The following SGCD variants were observed in gnomAD, a reference collection of about 807,000 sequenced individuals.
SGCD encodes sarcoglycan delta, also known as delta-sarcoglycan.
SGCD carries 18 observed loss-of-function variants against 36.6 expected under a neutral mutation model. The ratio of observed to expected loss-of-function variants is 0.49; its 90% CI spans 0.34 to 0.73. SGCD has a LOEUF of 0.73. Ranked by LOEUF, SGCD falls within the 30% of genes least tolerant of loss-of-function variation. The probability of loss-of-function intolerance (pLI) is 0.01; values close to 1 mark genes in which losing one functional copy is unlikely to be tolerated. For synonymous variants in SGCD, 133 were observed against 130.6 expected (o/e 1.02, Z -0.12); for missense variants, 387 against 346.7 (o/e 1.12, Z -0.92).
intron 3 of SGCD, among the ~76,000 whole-genome samples, chr5:156,483,562 C>A (rs1755532003): frequency 6.6e-6 from 1 of 152,174 alleles, no homozygotes; most frequent in Admixed American, 6.5e-5. Flanking sequence ...GAGGCCTGGG[C>A]ATTTGGCAAC....
intron 3 of SGCD, among the ~76,000 whole-genome samples, chr5:156,320,094 GAT>G (rs1491461866): frequency 6.0e-4 from 66 of 110,902 alleles, no homozygotes; most frequent in African/African-American, 1.7e-3. Flanking sequence ...GACAGCCTTT[GAT>G]ATGTGTGTGT....
chr5:156,605,900 T>C (rs1404847403), intron 6 of SGCD, among the ~76,000 whole-genome samples: 1 of 151,744 alleles, frequency 6.6e-6, no homozygotes, highest in East Asian at 1.9e-4. Flanking sequence ...GGGGTTGTTT[T>C]TTTCTCGTAA....
chr5:155,778,392 A>G, the SGCD span, among the ~76,000 whole-genome samples: 1 of 152,222 alleles, frequency 6.6e-6, no homozygotes, highest in African/African-American at 2.4e-5. Flanking sequence ...TTCCTTTTCA[A>G]AAGACGAAAT....
chr5:156,167,609 A>G (rs1452616607), intron 3 of SGCD, among the ~76,000 whole-genome samples: 2 of 152,106 alleles, frequency 1.3e-5, no homozygotes, highest in African/African-American at 4.8e-5. Context: ...AGTTCACATG[A>G]TATCTGGTTG....
At chr5:155,942,997 T>C (rs78830942) in intron 1 of SGCD, among the ~76,000 whole-genome samples, 5,319 of 152,272 alleles carry the variant, frequency 0.035, 343 homozygotes, top group African/African-American at 0.12. Flanking sequence ...ACATAACAGA[T>C]TTAAAAAGTG....
At chr5:156,213,746 C>G in intron 3 of SGCD, among the ~76,000 whole-genome samples, 1 of 151,996 alleles carries the variant, frequency 6.6e-6, no homozygotes, top group Non-Finnish European at 1.5e-5. Context: ...CTGAATTCAA[C>G]AGCACATTAA....
intron 6 of SGCD, among the ~76,000 whole-genome samples, chr5:156,630,587 A>G (rs551715391): frequency 5.1e-4 from 78 of 152,332 alleles, no homozygotes; most frequent in Middle Eastern, 3.4e-3. Context: ...GTTGTCCTCA[A>G]GTTGTTAGTT....
chr5:155,955,968 A>G (rs1366192194), intron 1 of SGCD, among the ~76,000 whole-genome samples: 1 of 152,158 alleles, frequency 6.6e-6, no homozygotes, highest in Admixed American at 6.5e-5. Flanking sequence ...GGCGATGAGC[A>G]CAAATGTAAT....
chr5:155,983,873 T>C (rs1245479432), intron 1 of SGCD, among the ~76,000 whole-genome samples: 1 of 152,198 alleles, frequency 6.6e-6, no homozygotes, highest in East Asian at 1.9e-4. Context: ...GGATGCTTTG[T>C]CTAGCCTAAT....
chr5:155,908,761 C>G, intron 1 of SGCD, among the ~76,000 whole-genome samples: 1 of 152,142 alleles, frequency 6.6e-6, no homozygotes, highest in East Asian at 1.9e-4. Flanking sequence ...GGTTCTCTTT[C>G]GGGCTGGGGA....
At chr5:156,546,897 G>A (rs1448229113) in intron 4 of SGCD, among the ~76,000 whole-genome samples, 2 of 152,162 alleles carry the variant, frequency 1.3e-5, no homozygotes, top group Admixed American at 6.5e-5. Flanking sequence ...GGAGGTCCTT[G>A]ATGTAATTTC....
chr5:156,209,957 C>T (rs982183505), intron 3 of SGCD, among the ~76,000 whole-genome samples: 1 of 152,204 alleles, frequency 6.6e-6, no homozygotes, highest in Non-Finnish European at 1.5e-5. Context: ...CGTTCCAGTG[C>T]CAGCCCAACT....
At chr5:156,389,537 A>G (rs1401679994) in intron 3 of SGCD, among the ~76,000 whole-genome samples, 2 of 152,182 alleles carry the variant, frequency 1.3e-5, no homozygotes, top group African/African-American at 4.8e-5. Context: ...TTCATGGAAG[A>G]CAGTTTTTCC....
chr5:156,529,691 A>G (rs915924167), intron 4 of SGCD, among the ~76,000 whole-genome samples: 4 of 152,318 alleles, frequency 2.6e-5, no homozygotes, highest in Non-Finnish European at 5.9e-5. Flanking sequence ...ATAATTTTTC[A>G]GGAGACACAG....
chr5:156,175,606 G>A (rs1450892777), intron 3 of SGCD, among the ~76,000 whole-genome samples: 1 of 152,128 alleles, frequency 6.6e-6, no homozygotes, highest in African/African-American at 2.4e-5. Flanking sequence ...TTGTTACTCA[G>A]TGGAAAATAA....
chr5:155,920,845 G>C (rs1230444998), intron 1 of SGCD, among the ~76,000 whole-genome samples: 1 of 152,160 alleles, frequency 6.6e-6, no homozygotes, highest in East Asian at 1.9e-4. Context: ...GGGTGGATAG[G>C]TCAGCCTCAA....
rs769250018 is a variant in SGCD, at chr5:156,647,520, C to T, written c.559C>T (p.Pro187Ser). The change falls in exon 7 of 9, where the codon CCC becomes TCC. Residue 187 changes from proline to serine, a missense_variant. Pro to Ser is a moderately conservative substitution (Grantham distance 74). Transcript: ENST00000337851. ...SIETPNVRAD[P>S]FKELRLESPT... ...AGAAACACCTAATGTCAGGGCAGAC[C>T]CCTTCAAAGAACTAAGGTAAACTTC... is the stretch of plus-strand genomic sequence containing the variant. The T allele has an allele frequency of 6.3e-7, 1 of 1,580,128 alleles. No individual in the cohort carries two copies. The highest frequency in any genetic ancestry group is 1.8e-5 in the Admixed American group (1 of 55,372).
At chr5:156,423,429 A>AATATAATATAATATATTTTATTAT (rs1561686129) in intron 3 of SGCD, among the ~76,000 whole-genome samples, 2 of 92,346 alleles carry the variant, frequency 2.2e-5, no homozygotes. Flanking sequence ...TATTTTAATA[A>AATATAATATAATATATTTTATTAT]AATATAATAT....
At position 156,581,811 on chromosome 5, in the gene SGCD, T is replaced by A. The variant is rs574733340; in HGVS notation, c.295-7420T>A. ...TATTTGGATGGGAGGGTCCTGTTTTTCCAGGTACCATCTGAAATGGCTTCC... is the reference window on the plus strand; with the variant it reads ...TATTTGGATGGGAGGGTCCTGTTTTACCAGGTACCATCTGAAATGGCTTCC... On this transcript the variant is annotated intron_variant, in intron 4 of 8. Coordinates refer to ENST00000337851, the MANE Select transcript of SGCD (RefSeq NM_000337.6). Among the ~76,000 whole-genome samples, 10 of 152,322 alleles carry A rather than the reference T, an allele frequency of 6.6e-5. No homozygotes were observed. The South Asian group carries it at 2.1e-3, about 32-fold the overall frequency.
Sources: allele counts gnomAD v4.1 joint callset (sites outside exome capture counted in the v4.1 genomes callset), GRCh38; gene constraint gnomAD v4.1.1; transcripts MANE v1.5; gene names NCBI Gene and HGNC (gene_info 2026-07-23, HGNC 2026-07-21).